The following IAPP variants were observed in gnomAD, a reference collection of about 807,000 sequenced individuals.
IAPP encodes islet amyloid polypeptide.
In IAPP, 4 loss-of-function variants were observed where a neutral mutation model predicts 2.9. The ratio of observed to expected loss-of-function variants is 1.39; its 90% CI spans 0.69 to 3.19. IAPP has a LOEUF of 3.19. Ranked by LOEUF, IAPP falls within the 30% of genes most tolerant of loss-of-function variation. The pLI, the probability that IAPP is intolerant of heterozygous loss-of-function variation, is 0.01. For synonymous variants in IAPP, 40 were observed against 42.1 expected, an observed-to-expected ratio of 0.95 and a Z score of 0.19; for missense variants, 114 against 105.3, an observed-to-expected ratio of 1.08 and a Z score of -0.36.
chr12:21,378,598 AT>A lies in IAPP; in HGVS notation c.*173del. 5.5e-6 allele frequency: 3 copies of A among 547,264 alleles called. No individual in the cohort carries two copies. The allele number at this position is 547,264 out of a possible 1,614,324, so 33.9% of individuals were successfully genotyped here. A position where few individuals can be genotyped will look rare whatever the true frequency, so the allele number is the denominator to read the frequency against. On this transcript the variant is annotated 3_prime_UTR_variant, in exon 3 of 3. Coordinates refer to ENST00000240652, the MANE Select transcript of IAPP (RefSeq NM_000415.3). ...TATATGTAGTACTAACTAAGGTCCC[AT>A]AATAAAAAGATAGTATCTTTTAAAA...
At chr12:21,369,492 T>A (rs1939629175), upstream of IAPP, among the ~76,000 whole-genome samples, 1 of 152,232 alleles carries the variant, frequency 6.6e-6, no homozygotes, top group Non-Finnish European at 1.5e-5. Flanking sequence ...CTTAAGCAAG[T>A]CACTTATGTT....
chr12:21,355,860 T>C (rs1938323676), intron 1 of IAPP, among the ~76,000 whole-genome samples: 1 of 152,188 alleles, frequency 6.6e-6, no homozygotes, highest in African/African-American at 2.4e-5. Context: ...TAAAACTGAT[T>C]ATTTCTAATT....
upstream of IAPP, among the ~76,000 whole-genome samples, chr12:21,369,778 A>T (rs1163922188): frequency 9.9e-5 from 15 of 152,188 alleles, no homozygotes; most frequent in African/African-American, 9.6e-5. Flanking sequence ...CCTCATTCAC[A>T]CTTTGACTTA....
intron 2 of IAPP, chr12:21,373,812 T>G: frequency 1.6e-6 from 1 of 625,416 alleles, no homozygotes; most frequent in South Asian, 2.0e-5. Context: ...TTATACCAAG[T>G]GGATTCTTTT....
intron 2 of IAPP, among the ~76,000 whole-genome samples, chr12:21,374,835 C>CTCTCTG (rs1237088272): frequency 6.6e-6 from 1 of 151,784 alleles, no homozygotes; most frequent in Non-Finnish European, 1.5e-5. Context: ...CTCTCTCTCT[C>CTCTCTG]TCTCTGTCTC....
intron 1 of IAPP, among the ~76,000 whole-genome samples, chr12:21,364,674 A>G (rs1013781908): frequency 6.6e-6 from 1 of 152,206 alleles, no homozygotes; most frequent in African/African-American, 2.4e-5. Flanking sequence ...AAATCTCCTT[A>G]AGCTGATAAG....
Position 21,375,680 on chromosome 12 carries a change from G to C in IAPP, c.80+2249G>C, listed in dbSNP as rs537649296. Among the ~76,000 whole-genome samples the C allele has an allele frequency of 8.5e-5, 13 of 152,304 alleles. No individual in the cohort carries two copies. The East Asian group carries it at 2.5e-3, about 29-fold the overall frequency. On this transcript the variant is annotated intron_variant, in intron 2 of 2. Coordinates refer to ENST00000240652, the MANE Select transcript of IAPP (RefSeq NM_000415.3). ...CTGCAGGAGCTCACATACTTCCACA[G>C]ATGAATGTTAAGGCTGAGAGCAGGG...
intron 2 of IAPP, among the ~76,000 whole-genome samples, chr12:21,375,449 C>T (rs1940122958): frequency 6.6e-6 from 1 of 152,152 alleles, no homozygotes; most frequent in Non-Finnish European, 1.5e-5. Flanking sequence ...ATAAAACTAA[C>T]ATTATTCAAT....
intron 1 of IAPP, among the ~76,000 whole-genome samples, chr12:21,361,107 C>G (rs1424905633): frequency 6.6e-6 from 1 of 152,204 alleles, no homozygotes; most frequent in Non-Finnish European, 1.5e-5. Context: ...TCCCTGACCC[C>G]TGAGTAGCCT....
intron 1 of IAPP, among the ~76,000 whole-genome samples, chr12:21,360,694 T>C (rs1364082953): frequency 6.6e-6 from 1 of 152,204 alleles, no homozygotes; most frequent in Non-Finnish European, 1.5e-5. Context: ...ACCCTAATAC[T>C]GCTCTTTTCC....
intron 1 of IAPP, among the ~76,000 whole-genome samples, chr12:21,364,960 G>A (rs1349067168): frequency 1.3e-5 from 2 of 152,152 alleles, no homozygotes; most frequent in Admixed American, 6.5e-5. Flanking sequence ...TTGTGAAAAT[G>A]GCCATACTGC....
upstream of IAPP, chr12:21,372,820 A>G (rs1417131034): frequency 6.3e-6 from 1 of 159,836 alleles, no homozygotes; most frequent in Non-Finnish European, 1.4e-5. Flanking sequence ...GAAATTAATG[A>G]CAGAGGCTCT....
At chr12:21,368,758 C>T (rs945363699), upstream of IAPP, among the ~76,000 whole-genome samples, 3 of 151,520 alleles carry the variant, frequency 2.0e-5, no homozygotes, top group Non-Finnish European at 4.4e-5. Flanking sequence ...TTGAAAGTTC[C>T]CAAAAGAAAC....
intron 1 of IAPP, among the ~76,000 whole-genome samples, chr12:21,357,585 T>C (rs1042322881): frequency 6.6e-6 from 1 of 152,234 alleles, no homozygotes; most frequent in Non-Finnish European, 1.5e-5. Flanking sequence ...CCAACTGGAC[T>C]ATATGTAAGG....
upstream of IAPP, among the ~76,000 whole-genome samples, chr12:21,370,341 T>A (rs996035163): frequency 2.0e-5 from 3 of 152,034 alleles, no homozygotes; most frequent in African/African-American, 4.8e-5. Context: ...CTTTTTTTTT[T>A]ATTATACTTT....
At chr12:21,364,653 A>T (rs1939222621) in intron 1 of IAPP, among the ~76,000 whole-genome samples, 1 of 152,138 alleles carries the variant, frequency 6.6e-6, no homozygotes, top group Non-Finnish European at 1.5e-5. Context: ...AAACCCCAAC[A>T]TCTCAGCCCA....
chr12:21,377,518 C>G (rs1294518726), intron 2 of IAPP, among the ~76,000 whole-genome samples: 1 of 152,194 alleles, frequency 6.6e-6, no homozygotes, highest in Non-Finnish European at 1.5e-5. Flanking sequence ...GCTTAGTCAT[C>G]TTGCTTGACT....
At chr12:21,365,462 C>A (rs59357811) in intron 1 of IAPP, among the ~76,000 whole-genome samples, 2,516 of 152,100 alleles carry the variant, frequency 0.017, 81 homozygotes, top group African/African-American at 0.057. Flanking sequence ...AAACCTAGGC[C>A]ATACCATTCA....
intron 1 of IAPP, 75 bp from the exon 2 acceptor site, chr12:21,373,262 A>T: frequency 1.1e-6 from 1 of 923,180 alleles, no homozygotes; most frequent in Non-Finnish European, 1.8e-6. Flanking sequence ...TTTAAAAACT[A>T]AGCTCTAATT....
Sources: gnomAD v4.1 joint callset for allele counts (sites outside exome capture counted in the v4.1 genomes callset) on GRCh38, gnomAD v4.1.1 for gene constraint, MANE v1.5 for transcripts, NCBI Gene and HGNC (gene_info 2026-07-23, HGNC 2026-07-21) for gene names.